SPAG16: variants seen among roughly 807,000 people sequenced by gnomAD.
SPAG16 encodes sperm-associated antigen 16 protein.
A neutral mutation model predicts 80.4 loss-of-function variants in SPAG16; 86 were observed. The ratio of observed to expected loss-of-function variants is 1.07; its 90% CI spans 0.90 to 1.28. The LOEUF (loss-of-function observed/expected upper bound fraction) is 1.28. Among genes scored for constraint, SPAG16 ranks in the 50% most tolerant of loss-of-function variants. The pLI, the probability that SPAG16 is intolerant of heterozygous loss-of-function variation, is 0.00. For synonymous variants in SPAG16, 294 were observed against 265.9 expected, an observed-to-expected ratio of 1.11 and a Z score of -1.03; for missense variants, 870 against 765.3, an observed-to-expected ratio of 1.14 and a Z score of -1.61.
At chr2:214,060,816 G>T (rs979067675) in intron 13 of SPAG16, among the ~76,000 whole-genome samples, 4 of 152,112 alleles carry the variant, frequency 2.6e-5, no homozygotes, top group Non-Finnish European at 5.9e-5. Context: ...CATTACATAT[G>T]AGAGGATTCA....
chr2:214,152,285 A>G (rs1485750834), intron 15 of SPAG16, among the ~76,000 whole-genome samples: 2 of 152,226 alleles, frequency 1.3e-5, no homozygotes, highest in African/African-American at 4.8e-5. Context: ...TTATTCACAG[A>G]GTATCATTTT....
intron 15 of SPAG16, among the ~76,000 whole-genome samples, chr2:214,301,298 C>CAA (rs548924541): frequency 2.2e-5 from 3 of 137,142 alleles, no homozygotes; most frequent in South Asian, 2.3e-4. Flanking sequence ...ATCTAGGCAT[C>CAA]AAAAAAAAAA....
At chr2:214,177,967 G>GTATGTGTGTA (rs1559108125) in intron 15 of SPAG16, among the ~76,000 whole-genome samples, 3 of 18,166 alleles carry the variant, frequency 1.7e-4, no homozygotes, top group African/African-American at 4.7e-4. Flanking sequence ...TTCACAAAGT[G>GTATGTGTGTA]TATGTATATA....
intron 11 of SPAG16, among the ~76,000 whole-genome samples, chr2:213,900,427 A>G (rs1055759528): frequency 1.3e-5 from 2 of 152,174 alleles, no homozygotes; most frequent in African/African-American, 4.8e-5. Context: ...ACTAAGTGCA[A>G]GGTTGTAAGA....
chr2:214,273,341 G>C (rs1298145567), intron 15 of SPAG16, among the ~76,000 whole-genome samples: 1 of 152,086 alleles, frequency 6.6e-6, no homozygotes, highest in Non-Finnish European at 1.5e-5. Context: ...ATTGCTTTTG[G>C]TATTTTAGAC....
At chr2:213,589,740 G>C (rs1235758618) in intron 10 of SPAG16, among the ~76,000 whole-genome samples, 1 of 152,010 alleles carries the variant, frequency 6.6e-6, no homozygotes, top group African/African-American at 2.4e-5. Flanking sequence ...TGGACAACAT[G>C]GTGAAATCCC....
intron 8 of SPAG16, 123 bp from the exon 9 acceptor site, chr2:213,374,887 T>G (rs942904902): frequency 4.4e-6 from 3 of 675,004 alleles, no homozygotes; most frequent in Non-Finnish European, 7.5e-6. Flanking sequence ...TGGGTATCAA[T>G]AATTTAATGA....
At chr2:213,549,633 C>G (rs1374596136) in intron 10 of SPAG16, among the ~76,000 whole-genome samples, 1 of 152,114 alleles carries the variant, frequency 6.6e-6, no homozygotes, top group Non-Finnish European at 1.5e-5. Flanking sequence ...AAACAGATCT[C>G]CTAAAGAAAT....
At chr2:214,053,395 A>G (rs1285025932) in intron 13 of SPAG16, among the ~76,000 whole-genome samples, 2 of 152,170 alleles carry the variant, frequency 1.3e-5, no homozygotes, top group Non-Finnish European at 2.9e-5. Context: ...CGTTTTTTAG[A>G]TGAGAATGGG....
Position 214,373,161 on chromosome 2 carries a change from G to GA in SPAG16, c.1721-36972dup, listed in dbSNP as rs536163758. 1.6e-4 allele frequency among the ~76,000 whole-genome samples: 24 copies of GA among 152,166 alleles called. No homozygotes were observed. In the East Asian group the frequency reaches 3.5e-3, roughly 22 times the overall value. On this transcript the variant is annotated intron_variant, in intron 15 of 15. Transcript: ENST00000331683. ...TTAATACAGGGAAATAATTGCTTCA[G>GA]AAAAAAATTGCTTTCAGAATAAACT...
chr2:214,163,204 T>A, intron 15 of SPAG16, among the ~76,000 whole-genome samples: 1 of 139,676 alleles, frequency 7.2e-6, no homozygotes, highest in East Asian at 1.9e-4. Context: ...CTTTTTTCCC[T>A]TTGTCAAATA....
intron 11 of SPAG16, among the ~76,000 whole-genome samples, chr2:213,894,716 C>T (rs1217514964): frequency 2.6e-5 from 4 of 152,176 alleles, no homozygotes; most frequent in East Asian, 1.9e-4. Context: ...GACGGCCTGG[C>T]GCAGTGGCTC....
At chr2:213,328,588 G>T (rs969628507) in intron 5 of SPAG16, among the ~76,000 whole-genome samples, 3 of 152,102 alleles carry the variant, frequency 2.0e-5, no homozygotes, top group African/African-American at 7.2e-5. Flanking sequence ...CAGGGAGATG[G>T]CAGAGAGTTT....
chr2:214,207,870 C>T (rs2058188730), intron 15 of SPAG16, among the ~76,000 whole-genome samples: 1 of 152,186 alleles, frequency 6.6e-6, no homozygotes, highest in Non-Finnish European at 1.5e-5. Flanking sequence ...TGCTTCCTGC[C>T]CTTGGACATC....
Position 214,325,163 on chromosome 2 carries a change from C to T in SPAG16, c.1721-84977C>T, listed in dbSNP as rs367952155. ...TTTTGAGAACTACAATACCAAATGCCGTGGCTCAACCCTTTGTACTAACTA... is the reference window on the plus strand; with the variant it reads ...TTTTGAGAACTACAATACCAAATGCTGTGGCTCAACCCTTTGTACTAACTA... On this transcript the variant is annotated intron_variant, in intron 15 of 15. Coordinates refer to ENST00000331683, the MANE Select transcript of SPAG16 (RefSeq NM_024532.5). Among the ~76,000 whole-genome samples, 142 of 152,114 alleles carry T rather than the reference C, an allele frequency of 9.3e-4. 4 individuals are homozygous for T. Among genetic ancestry groups the T allele is most frequent in the Non-Finnish European group, 8.8e-5 (6 of 68,028 alleles).
intron 8 of SPAG16, among the ~76,000 whole-genome samples, chr2:213,370,424 C>G (rs1294038315): frequency 6.6e-6 from 1 of 152,010 alleles, no homozygotes; most frequent in East Asian, 1.9e-4. Flanking sequence ...GCATATTTTA[C>G]AAAGAGTGTA....
intron 14 of SPAG16, among the ~76,000 whole-genome samples, chr2:214,108,477 ACACCCC>A (rs1559803131): frequency 3.1e-5 from 2 of 64,478 alleles, no homozygotes; most frequent in African/African-American, 1.2e-4. Flanking sequence ...ACACACACAC[ACACCCC>A]CACACACACC....
chr2:213,932,949 A>AACACCCAC (rs2078831154), intron 12 of SPAG16, among the ~76,000 whole-genome samples: 1 of 143,944 alleles, frequency 6.9e-6, no homozygotes, highest in Non-Finnish European at 1.5e-5. Flanking sequence ...GTTGTTTGAA[A>AACACCCAC]ACACACACAC....
intron 14 of SPAG16, among the ~76,000 whole-genome samples, chr2:214,148,124 T>A (rs1476424245): frequency 6.6e-6 from 1 of 152,178 alleles, no homozygotes; most frequent in Non-Finnish European, 1.5e-5. Context: ...TAATTGATGA[T>A]TTTAATGTGG....
Sources: allele counts gnomAD v4.1 joint callset (sites outside exome capture counted in the v4.1 genomes callset), GRCh38; gene constraint gnomAD v4.1.1; transcripts MANE v1.5; gene names NCBI Gene and HGNC (gene_info 2026-07-23, HGNC 2026-07-21).